The following NR5A2 variants were observed in gnomAD, a reference collection of about 807,000 sequenced individuals.
NR5A2 encodes the protein CYP7A promoter-binding factor.
Under a neutral mutation model 62.7 loss-of-function variants are expected in NR5A2, and 26 were observed. The observed-to-expected ratio is 0.41, with a 90% confidence interval of 0.30 to 0.58. NR5A2 has a LOEUF of 0.58. Ranked by LOEUF, NR5A2 falls within the 20% of genes least tolerant of loss-of-function variation. The pLI is 0.22. For synonymous variants in NR5A2, 246 were observed against 241.7 expected (o/e 1.02, Z -0.16); for missense variants, 541 against 669.1 (o/e 0.81, Z 2.11).
At chr1:200,120,199 T>C (rs1666420652) in intron 6 of NR5A2, among the ~76,000 whole-genome samples, 1 of 152,188 alleles carries the variant, frequency 6.6e-6, no homozygotes, top group African/African-American at 2.4e-5. Context: ...AAACATCCAA[T>C]CTTGAACTAT....
intron 5 of NR5A2, among the ~76,000 whole-genome samples, chr1:200,073,256 A>ATATATT (rs1466902208): frequency 8.4e-6 from 1 of 118,672 alleles, no homozygotes; most frequent in Non-Finnish European, 1.7e-5. Flanking sequence ...ATATATATAT[A>ATATATT]TATATTCCCC....
intron 5 of NR5A2, among the ~76,000 whole-genome samples, chr1:200,108,442 G>T (rs1665793627): frequency 6.6e-6 from 1 of 151,958 alleles, no homozygotes; most frequent in African/African-American, 2.4e-5. Flanking sequence ...GATAGTCTCA[G>T]TTCTTCCATT....
At chr1:200,112,228 G>C (rs748906910) in intron 6 of NR5A2, among the ~76,000 whole-genome samples, 1 of 152,190 alleles carries the variant, frequency 6.6e-6, no homozygotes, top group African/African-American at 2.4e-5. Context: ...AGTCTTAAAG[G>C]AGGAGAGACA....
intron 1 of NR5A2, among the ~76,000 whole-genome samples, chr1:200,037,846 G>A (rs528988897): frequency 6.6e-6 from 1 of 152,320 alleles, no homozygotes; most frequent in South Asian, 2.1e-4. Context: ...ATTGCCAGGT[G>A]TGGGTGGGTG....
intron 7 of NR5A2, among the ~76,000 whole-genome samples, chr1:200,157,235 C>T (rs984475080): frequency 1.3e-5 from 2 of 152,124 alleles, no homozygotes; most frequent in African/African-American, 4.8e-5. Flanking sequence ...ATGGCCAGTG[C>T]AGTGTTCACG....
chr1:200,055,579 T>G (rs1314715028), intron 5 of NR5A2, among the ~76,000 whole-genome samples: 1 of 152,182 alleles, frequency 6.6e-6, no homozygotes, highest in African/African-American at 2.4e-5. Flanking sequence ...GGCTGTTCTT[T>G]GCCTTCTCCT....
chr1:200,045,761 G>A (rs1009411153), intron 4 of NR5A2, among the ~76,000 whole-genome samples, 177 bp downstream of exon 4: 1 of 152,022 alleles, frequency 6.6e-6, no homozygotes. Context: ...TTTAATCATG[G>A]TGAAATCTAC....
chr1:200,139,866 C>G (rs1667373645), intron 7 of NR5A2, among the ~76,000 whole-genome samples: 1 of 152,206 alleles, frequency 6.6e-6, no homozygotes, highest in Non-Finnish European at 1.5e-5. Context: ...TAGTATATAT[C>G]AATGCATCCC....
chr1:200,051,538 A>AG (rs1662633558), intron 5 of NR5A2, among the ~76,000 whole-genome samples: 1 of 152,210 alleles, frequency 6.6e-6, no homozygotes. Flanking sequence ...AAAAAGGAAA[A>AG]GGGAAAAAAG....
Position 200,034,748 on chromosome 1 carries a change from G to A in NR5A2, c.65-4910G>A, listed in dbSNP as rs565674248. Among the ~76,000 whole-genome samples, 5 of 130,884 alleles carry A rather than the reference G, an allele frequency of 3.8e-5. No individual in the cohort carries two copies. In the South Asian group the frequency reaches 1.4e-3, roughly 36 times the overall value. The allele number at this position is 130,884 out of a possible 152,430, so 85.9% of individuals were successfully genotyped here. ...TCCTGCTCTAGGGGCTGATGTTGAT[G>A]TCTTAAGTAGTTATTCACACGTGCA... is the stretch of plus-strand genomic sequence containing the variant. On this transcript the variant is annotated intron_variant, in intron 1 of 7. Transcript: ENST00000367362.
rs371236736 is a variant in NR5A2 at position 200,030,059 on chromosome 1, C to T, written c.64+2148C>T. Among the ~76,000 whole-genome samples, 3 of 152,218 alleles carry T rather than the reference C, an allele frequency of 2.0e-5. No homozygotes were observed. The East Asian group carries it at 5.8e-4, about 29-fold the overall frequency. Reference sequence around the variant, plus strand: ...ACCCGATTCCTGAGGGAGAGATGCCCCTTGAATGGGTCTTTCTGATTGCCC... The same window carrying T: ...ACCCGATTCCTGAGGGAGAGATGCCTCTTGAATGGGTCTTTCTGATTGCCC... On this transcript the variant is annotated intron_variant, in intron 1 of 7. Transcript: ENST00000367362.
At chr1:200,128,650 T>C (rs993052123) in intron 7 of NR5A2, among the ~76,000 whole-genome samples, 8 of 152,168 alleles carry the variant, frequency 5.3e-5, no homozygotes, top group South Asian at 2.1e-4. Context: ...AAGTAGCCAA[T>C]TGCATCTCTA....
At chr1:200,060,988 C>T (rs927574404) in intron 5 of NR5A2, among the ~76,000 whole-genome samples, 16 of 148,678 alleles carry the variant, frequency 1.1e-4, no homozygotes, top group African/African-American at 2.5e-4. Context: ...GGCATGGCAG[C>T]GGCCACCTGT....
In NR5A2 at chr1:200,043,823, G is replaced by A. The variant is rs1461321655; in HGVS notation, c.252G>A (p.Glu84=). Residue 84 remains glutamate, a synonymous_variant, in exon 3 of 8, where the codon GAG becomes GAA. Coordinates refer to ENST00000367362, the MANE Select transcript of NR5A2 (RefSeq NM_205860.3). ...ACTCCTATGATGAAGATCTGGAAGA[G>A]CTTTGTCCCGTGTGTGGAGATAAAG... The part of the protein sequence containing the change: ...VNYSYDEDLE[E]LCPVCGDKVS... 1.2e-6 allele frequency: 2 copies of A among 1,613,826 alleles called. No individual in the cohort carries two copies. The highest frequency in any genetic ancestry group is 2.2e-5 in the East Asian group (1 of 44,856).
chr1:200,123,090 G>A (rs1666547754), intron 7 of NR5A2, among the ~76,000 whole-genome samples: 1 of 152,158 alleles, frequency 6.6e-6, no homozygotes, highest in African/African-American at 2.4e-5. Context: ...GGTACCTGCT[G>A]TCCCAGATGC....
intron 4 of NR5A2, 44 bp downstream of exon 4, chr1:200,045,628 G>T (rs144439767): frequency 6.5e-7 from 1 of 1,532,332 alleles, no homozygotes; most frequent in Non-Finnish European, 8.8e-7. Flanking sequence ...ACTCTCCAAG[G>T]ACATGAACTG....
intron 5 of NR5A2, among the ~76,000 whole-genome samples, chr1:200,073,707 C>T (rs1400290548): frequency 6.6e-6 from 1 of 152,036 alleles, no homozygotes; most frequent in East Asian, 1.9e-4. Context: ...ACACCACACA[C>T]ACACACATAT....
intron 2 of NR5A2, chr1:200,042,936 T>C: frequency 1.0e-6 from 1 of 985,486 alleles, no homozygotes; most frequent in Non-Finnish European, 1.2e-6. Context: ...CGGCCTGATT[T>C]CTGTTTAACT....
intron 5 of NR5A2, among the ~76,000 whole-genome samples, chr1:200,087,477 C>T (rs1664606355): frequency 6.6e-6 from 1 of 152,102 alleles, no homozygotes; most frequent in Non-Finnish European, 1.5e-5. Context: ...TCACTGCAAC[C>T]TCCGCCTCCT....
Sources: gnomAD v4.1 joint callset for allele counts (sites outside exome capture counted in the v4.1 genomes callset) on GRCh38, gnomAD v4.1.1 for gene constraint, MANE v1.5 for transcripts, NCBI Gene and HGNC (gene_info 2026-07-23, HGNC 2026-07-21) for gene names.